Variants in ABCC6 observed in about 807,000 individuals in gnomAD.
ABCC6 encodes ATP-binding cassette sub-family C member 6.
In ABCC6, 126 loss-of-function variants were observed where a neutral mutation model predicts 169.5. The ratio of observed to expected loss-of-function variants is 0.74; its 90% CI spans 0.64 to 0.86. The LOEUF is 0.86. ABCC6 is among the 40% of genes least tolerant of loss of function. ABCC6 has a pLI of 0.00. For missense variants in ABCC6, 1,733 were observed against 1,927.2 expected (o/e 0.90, Z 1.89); for synonymous variants, 752 against 814.7 (o/e 0.92, Z 1.31).
In ABCC6 at chr16:16,201,960, T is replaced by C; in HGVS notation, c.1176+41A>G. ...TACTGCCCGCTCAGTGATACTGCTT[T>C]TCCTGGCTGGGAAGACCTGCCCTTG... is the stretch of plus-strand genomic sequence containing the variant. On this transcript the variant is annotated intron_variant, in intron 9 of 30. Transcript: ENST00000205557. 1.9e-6 allele frequency: 3 copies of C among 1,612,928 alleles called. No homozygotes were observed. In the South Asian group the frequency reaches 3.3e-5, roughly 18 times the overall value.
chr16:16,160,987 T>A (rs2046698386), intron 25 of ABCC6, among the ~76,000 whole-genome samples: 1 of 152,040 alleles, frequency 6.6e-6, no homozygotes. Context: ...CGCCTGTAAT[T>A]CCAGCAACTT....
At chr16:16,166,386 C>T (rs934593760) in intron 22 of ABCC6, among the ~76,000 whole-genome samples, 1 of 151,726 alleles carries the variant, frequency 6.6e-6, no homozygotes, top group African/African-American at 2.4e-5. Context: ...GAAGAGTGTC[C>T]CCCAAAATTC....
At chr16:16,185,780 G>A (rs1318387996) in intron 14 of ABCC6, among the ~76,000 whole-genome samples, 1 of 146,874 alleles carries the variant, frequency 6.8e-6, no homozygotes, top group African/African-American at 2.5e-5. Context: ...GTAAGACTGT[G>A]TCTCAAAAAT....
intron 10 of ABCC6, among the ~76,000 whole-genome samples, chr16:16,197,367 C>T (rs761273310): frequency 6.6e-5 from 10 of 151,206 alleles, no homozygotes; most frequent in Non-Finnish European, 8.8e-5. Context: ...CTTTTCCCAT[C>T]GTATCAGACA....
intron 4 of ABCC6, among the ~76,000 whole-genome samples, chr16:16,214,973 C>T (rs559909768): frequency 2.6e-4 from 40 of 152,288 alleles, no homozygotes; most frequent in South Asian, 1.5e-3. Context: ...GCCAGGGCTG[C>T]GTCTGGGTTT....
At chr16:16,177,184 C>T (rs2047303960) in intron 19 of ABCC6, among the ~76,000 whole-genome samples, 1 of 152,236 alleles carries the variant, frequency 6.6e-6, no homozygotes, top group Non-Finnish European at 1.5e-5. Context: ...ACAGCAATAA[C>T]TTCACATGCC....
chr16:16,153,303 A>T (rs1484249906), intron 29 of ABCC6, among the ~76,000 whole-genome samples: 1 of 152,236 alleles, frequency 6.6e-6, no homozygotes, highest in Admixed American at 6.5e-5. Flanking sequence ...ATCTACTGGC[A>T]GATAAACGGA....
chr16:16,175,978 G>A lies in ABCC6; in HGVS notation c.2599C>T (p.Pro867Ser), dbSNP rs376512808. The A allele has an allele frequency of 1.2e-6, 2 of 1,613,948 alleles. No homozygotes were observed. Among genetic ancestry groups the A allele is most frequent in the African/African-American group, 2.7e-5 (2 of 74,878 alleles). Reference protein sequence around the residue: ...PGDRGEGETEPGTSTKDPRGT... With the variant: ...PGDRGEGETESGTSTKDPRGT... ...CTGGGGTCCTTGGTGCTGGTCCCAG[G>A]TTCTGTTTCTGCAAGGTCAAGAGAG... The change falls in exon 20 of 31, where the codon CCT (proline) becomes TCT (serine). Residue 867 changes from proline to serine, a missense_variant. This residue lies in a region of ABCC6 where 1,601 missense variants were observed against 1,635.5 expected (regional missense o/e 0.98). Transcript: ENST00000205557.
At chr16:16,159,431 C>T (rs777846973) in intron 26 of ABCC6, 51 bp downstream of exon 26, 3 of 1,530,480 alleles carry the variant, frequency 2.0e-6, no homozygotes, top group Non-Finnish European at 2.7e-6. Flanking sequence ...CCATTGCCCC[C>T]CCCCACAATA....
chr16:16,206,852 G>A (rs936350928), intron 7 of ABCC6, among the ~76,000 whole-genome samples: 2 of 152,088 alleles, frequency 1.3e-5, no homozygotes, highest in African/African-American at 4.8e-5. Flanking sequence ...AAAGTAGAGG[G>A]TGAGTCAGGT....
At chr16:16,166,089 C>T (rs2046865611) in intron 22 of ABCC6, 156 bp from the exon 23 acceptor site, 2 of 764,784 alleles carry the variant, frequency 2.6e-6, no homozygotes, top group Non-Finnish European at 4.2e-6. Flanking sequence ...CTCACTCTGT[C>T]ACCCATGTTG....
chr16:16,152,527 T>C (rs898309401), intron 29 of ABCC6, among the ~76,000 whole-genome samples: 1 of 152,100 alleles, frequency 6.6e-6, no homozygotes, highest in Admixed American at 6.5e-5. Flanking sequence ...AATGATGTTA[T>C]CAGGAGTGTG....
intron 5 of ABCC6, among the ~76,000 whole-genome samples, chr16:16,213,558 C>CT (rs61603385): frequency 5.0e-4 from 36 of 72,364 alleles, no homozygotes; most frequent in African/African-American, 1.4e-3. Context: ...CTTTTTCCTT[C>CT]TTTTTTTTTT....
Position 16,150,816 on chromosome 16 carries a change from C to T in ABCC6, c.4209-44G>A, listed in dbSNP as rs61119514. ...ATTAGCTGGGACGTGCGTTTGTCGGCACATGGTGATGTGTGGGTGTGCCCA... is the reference window on the plus strand; with the variant it reads ...ATTAGCTGGGACGTGCGTTTGTCGGTACATGGTGATGTGTGGGTGTGCCCA... On this transcript the variant is annotated intron_variant, in intron 29 of 30. Transcript: ENST00000205557. 1.3e-4 allele frequency: 215 copies of T among 1,600,272 alleles called. No individual in the cohort carries two copies. The African/African-American group carries it at 2.6e-3, about 19-fold the overall frequency.
At position 16,198,180 on chromosome 16, in the gene ABCC6, G is replaced by A. The variant is rs1312969999; in HGVS notation, c.1179C>T (p.Val393=). The A allele has an allele frequency of 6.3e-7, 1 of 1,594,446 alleles. No individual in the cohort carries two copies. The highest frequency in any genetic ancestry group is 1.8e-5 in the Admixed American group (1 of 56,434). Residue 393 remains valine, a splice_region_variant and synonymous_variant, in exon 10 of 31, where the codon GTC becomes GTT. Coordinates refer to ENST00000205557, the MANE Select transcript of ABCC6 (RefSeq NM_001171.6). ...SAITGLVYRK[V]LALSSGSRKA... ...TTCTGGAGCCGCTGGACAGAGCCAG[G>A]ACCTGGCGGGTGGGCAGAAGGAGAG...
Position 16,152,448 on chromosome 16 carries a change from TC to T in ABCC6, c.4209-1677del, listed in dbSNP as rs550795027. 3.1e-3 allele frequency among the ~76,000 whole-genome samples: 477 copies of T among 152,034 alleles called. 3 individuals carry two copies. The highest frequency in any genetic ancestry group is 0.02 in the Middle Eastern group (6 of 294). ...CAGGCGTTAGAGTGCCTGGGTCTTG[TC>T]CCAACCTCACTACTTTTAAGCTGTG... On this transcript the variant is annotated intron_variant, in intron 29 of 30. Transcript: ENST00000205557.
At position 16,208,291 on chromosome 16, in the gene ABCC6, A is replaced by G. The variant is rs1208704726; in HGVS notation, c.794+437T>C. Among the ~76,000 whole-genome samples, 5 of 152,112 alleles carry G rather than the reference A, an allele frequency of 3.3e-5. No individual in the cohort carries two copies. The South Asian group carries it at 6.2e-4, about 19-fold the overall frequency. On this transcript the variant is annotated intron_variant, in intron 7 of 30. Transcript: ENST00000205557. ...CTGGAAGGCAAGGTGGGGAGGCGGC[A>G]GTGCCGCCAGAGTAGCGTTGGGGGC...
In ABCC6 at chr16:16,154,935, C is replaced by G; in HGVS notation, c.3979G>C (p.Gly1327Arg). The stretch of plus-strand genomic sequence containing the variant: ...AGCCCCACGTGGGCAATGGGGACCC[C>G]GTCGATCCAGATCCCACCCTCAGCT... ...EAAEGGIWID[G>R]VPIAHVGLHT... The change falls in exon 28 of 31, where the codon GGG becomes CGG. Residue 1327 changes from glycine (G) to arginine (R), a missense_variant. By Grantham distance (125) the Gly-to-Arg change is moderately radical. Coordinates refer to ENST00000205557, the MANE Select transcript of ABCC6 (RefSeq NM_001171.6). The G allele has an allele frequency of 6.2e-7, 1 of 1,600,912 alleles. No individual in the cohort carries two copies. The highest frequency in any genetic ancestry group is 8.5e-7 in the Non-Finnish European group (1 of 1,174,008).
chr16:16,150,332 T>C, intron 30 of ABCC6, 91 bp from the exon 31 acceptor site: 1 of 1,587,928 alleles, frequency 6.3e-7, no homozygotes, highest in Admixed American at 1.8e-5. Flanking sequence ...GCTGAGGTTT[T>C]CTCCATAGAA....
Sources: allele counts gnomAD v4.1 joint callset (sites outside exome capture counted in the v4.1 genomes callset), GRCh38; gene constraint gnomAD v4.1.1; regional missense constraint gnomAD v4.1.1; transcripts MANE v1.5; gene names NCBI Gene and HGNC (gene_info 2026-07-23, HGNC 2026-07-21).